The following CT45A1 variants were observed in gnomAD, a reference collection of about 807,000 sequenced individuals.
The protein encoded by CT45A1 is cancer/testis antigen 45-1.
chrX:135,714,528 C>T (rs181978241), intron 1 of CT45A1, among the ~76,000 whole-genome samples: 1 of 110,002 alleles, frequency 9.1e-6, no homozygotes, highest in East Asian at 2.9e-4. Context: ...TTCACCGGGA[C>T]TCTATCTGAC....
chrX:135,713,509 T>C, upstream of CT45A1: 2 of 734,029 alleles, frequency 2.7e-6, no homozygotes, highest in African/African-American at 4.9e-5. Flanking sequence ...TCCATCCCCT[T>C]TGGACCAAAC....
upstream of CT45A1, among the ~76,000 whole-genome samples, chrX:135,709,853 C>T (rs1233254556): frequency 7.2e-5 from 8 of 111,426 alleles, no homozygotes; most frequent in Non-Finnish European, 1.1e-4. Flanking sequence ...GAAAACTGTA[C>T]GTGTACCCTT....
chrX:135,715,704 ATACT>A (rs1556571360), intron 1 of CT45A1, among the ~76,000 whole-genome samples: 1 of 101,813 alleles, frequency 9.8e-6, no homozygotes, highest in Non-Finnish European at 1.9e-5. Context: ...TATATATATA[ATACT>A]TATATATATA....
upstream of CT45A1, chrX:135,709,946 C>T (rs1484487962): frequency 8.9e-6 from 1 of 112,442 alleles, no homozygotes; most frequent in African/African-American, 3.2e-5. Flanking sequence ...AGGATTACTA[C>T]ACTTTGACAC....
rs1781648 is a variant in CT45A1 at position 135,718,604 on chromosome X, C to T, written c.-6-331C>T. On this transcript the variant is annotated intron_variant, in intron 1 of 4. Transcript: ENST00000594565. ...CAGATTGGTTTATACAGCTATTTTT[C>T]CTAATAAGGGTTAATACAGATTGGC... Among the ~76,000 whole-genome samples the T allele has an allele frequency of 4.5e-3, 491 of 109,756 alleles. 3 individuals are homozygous for T. The highest frequency in any genetic ancestry group is 0.014 in the African/African-American group (417 of 30,275).
At chrX:135,717,280 G>A (rs782809234) in intron 1 of CT45A1, among the ~76,000 whole-genome samples, 1 of 112,023 alleles carries the variant, frequency 8.9e-6, no homozygotes, top group African/African-American at 3.2e-5. Flanking sequence ...CAGGCATGGT[G>A]GCTCACGCCT....
At chrX:135,713,130 T>C (rs2087948506), upstream of CT45A1, among the ~76,000 whole-genome samples, 1 of 99,769 alleles carries the variant, frequency 1.0e-5, no homozygotes, top group Non-Finnish European at 2.0e-5. Context: ...CTCTGCCTCC[T>C]GGGTTCCAGC....
upstream of CT45A1, among the ~76,000 whole-genome samples, chrX:135,713,217 T>TG (rs199866868): frequency 1.5e-3 from 108 of 74,300 alleles, no homozygotes; most frequent in East Asian, 9.9e-3. Context: ...TTTGTGTGTG[T>TG]TTTTTTTTTT....
chrX:135,713,892 G>A (rs1254450659), intron 1 of CT45A1, among the ~76,000 whole-genome samples: 1 of 108,523 alleles, frequency 9.2e-6, no homozygotes, highest in African/African-American at 3.4e-5. Flanking sequence ...CGTTTTCCTT[G>A]GGCACCTCGT....
upstream of CT45A1, among the ~76,000 whole-genome samples, chrX:135,712,174 T>TC (rs2087937328): frequency 1.4e-5 from 1 of 69,621 alleles, no homozygotes; most frequent in Non-Finnish European, 2.7e-5. Context: ...TTTCTTTTTT[T>TC]CTTTCTTTTT....
intron 1 of CT45A1, among the ~76,000 whole-genome samples, chrX:135,714,150 C>T (rs1197540764): frequency 1.8e-5 from 2 of 109,090 alleles, no homozygotes; most frequent in Non-Finnish European, 3.8e-5. Flanking sequence ...GCATGATCGC[C>T]GCCCTGTGGG....
chrX:135,713,208 T>TTG (rs201106954), upstream of CT45A1, among the ~76,000 whole-genome samples: 12 of 99,208 alleles, frequency 1.2e-4, no homozygotes, highest in African/African-American at 3.8e-4. Context: ...CAGCTAATTT[T>TTG]TGTGTGTGTT....
intron 1 of CT45A1, among the ~76,000 whole-genome samples, chrX:135,713,928 G>A (rs1418970899): frequency 1.9e-5 from 2 of 105,222 alleles, no homozygotes; most frequent in Non-Finnish European, 2.0e-5. Flanking sequence ...AGGCCGGGGG[G>A]CTTTTCTTGG....
upstream of CT45A1, among the ~76,000 whole-genome samples, chrX:135,709,034 C>T (rs1204065447): frequency 1.4e-4 from 16 of 111,320 alleles, no homozygotes; most frequent in African/African-American, 4.9e-4. Context: ...TGGACCCAAA[C>T]TCTTCTTTAT....
chrX:135,714,274 G>C (rs1234324314), intron 1 of CT45A1, among the ~76,000 whole-genome samples: 19 of 109,259 alleles, frequency 1.7e-4, no homozygotes, highest in Non-Finnish European at 3.2e-4. Flanking sequence ...GGATGTGTTG[G>C]CTTTTCTTTG....
At chrX:135,709,083 A>C (rs1161456308), upstream of CT45A1, among the ~76,000 whole-genome samples, 2 of 111,975 alleles carry the variant, frequency 1.8e-5, no homozygotes, top group African/African-American at 3.3e-5. Context: ...CACCTAATTA[A>C]TATTATATAT....
At chrX:135,718,207 A>G (rs781905330) in intron 1 of CT45A1, among the ~76,000 whole-genome samples, 42 of 111,611 alleles carry the variant, frequency 3.8e-4, no homozygotes, top group African/African-American at 1.3e-3. Flanking sequence ...CATTACATTT[A>G]TCGATTATCA....
chrX:135,718,155 G>A (rs1326261063), intron 1 of CT45A1, among the ~76,000 whole-genome samples: 2 of 111,845 alleles, frequency 1.8e-5, no homozygotes, highest in Non-Finnish European at 3.8e-5. Context: ...ATCATGTGGT[G>A]TTTCCCTGTT....
chrX:135,715,495 T>C (rs1351122594), intron 1 of CT45A1, among the ~76,000 whole-genome samples: 1 of 81,444 alleles, frequency 1.2e-5, no homozygotes, highest in Non-Finnish European at 2.2e-5. Flanking sequence ...TACTTATATG[T>C]ATATAATACT....
Sources: gnomAD v4.1 joint callset for allele counts (sites outside exome capture counted in the v4.1 genomes callset) on GRCh38, gnomAD v4.1.1 for gene constraint, MANE v1.5 for transcripts, NCBI Gene and HGNC (gene_info 2026-07-23, HGNC 2026-07-21) for gene names.